TRPM3: variants seen among roughly 807,000 people sequenced by gnomAD.
The protein encoded by TRPM3 is transient receptor potential cation channel subfamily M member 3.
In TRPM3, 77 loss-of-function variants were observed where a neutral mutation model predicts 181.2. That is an observed-to-expected ratio of 0.42 (90% CI 0.35 to 0.51). The LOEUF (loss-of-function observed/expected upper bound fraction) is 0.51. Ranked by LOEUF, TRPM3 falls within the 20% of genes least tolerant of loss-of-function variation. TRPM3 has a pLI of 0.01. For synonymous variants in TRPM3, 745 were observed against 796.4 expected (o/e 0.94, Z 1.09); for missense variants, 1,759 against 2,196.7 (o/e 0.80, Z 3.98).
chr9:71,405,210 A>G (rs1449446763), intron 1 of TRPM3, among the ~76,000 whole-genome samples: 1 of 152,218 alleles, frequency 6.6e-6, no homozygotes, highest in Non-Finnish European at 1.5e-5. Flanking sequence ...TGTAACATAT[A>G]AAAACAACTT....
At chr9:70,996,254 CA>C (rs1043493616) in intron 1 of TRPM3, among the ~76,000 whole-genome samples, 3 of 152,122 alleles carry the variant, frequency 2.0e-5, no homozygotes, top group Non-Finnish European at 2.9e-5. Flanking sequence ...GATCTTCAGA[CA>C]GGGGCTCATT....
intron 9 of TRPM3, among the ~76,000 whole-genome samples, chr9:70,650,447 C>G (rs1030004976): frequency 1.3e-5 from 2 of 152,190 alleles, no homozygotes; most frequent in Non-Finnish European, 1.5e-5. Flanking sequence ...TAGGATCTTT[C>G]TGGGCATTGA....
At position 71,404,095 on chromosome 9, in the gene TRPM3, C is replaced by T. The variant is rs536817179; in HGVS notation, c.183+42558G>A. Among the ~76,000 whole-genome samples, 18 of 152,236 alleles carry T rather than the reference C, an allele frequency of 1.2e-4. No homozygotes were observed. In the South Asian group the frequency reaches 1.7e-3, roughly 14 times the overall value. On this transcript the variant is annotated intron_variant, in intron 1 of 24. Coordinates refer to the TRPM3 transcript ENST00000357533. Reference sequence around the variant, plus strand: ...CAAGCTTAGCAGGTTACAGAGGAAACGAGTCACTCAGCGCCTGGCCATCTT... The same window carrying T: ...CAAGCTTAGCAGGTTACAGAGGAAATGAGTCACTCAGCGCCTGGCCATCTT...
intron 1 of TRPM3, among the ~76,000 whole-genome samples, chr9:70,948,790 A>G (rs2096963683): frequency 6.6e-6 from 1 of 152,162 alleles, no homozygotes; most frequent in Non-Finnish European, 1.5e-5. Flanking sequence ...ATGACATTGG[A>G]CCTGGAGGCT....
At chr9:71,313,110 C>T (rs759933189) in intron 1 of TRPM3, among the ~76,000 whole-genome samples, 2 of 152,052 alleles carry the variant, frequency 1.3e-5, no homozygotes, top group South Asian at 2.1e-4. Flanking sequence ...CCTCCTCTGG[C>T]GCAGGTGGTT....
intron 9 of TRPM3, among the ~76,000 whole-genome samples, chr9:70,648,178 G>T (rs751103129): frequency 6.6e-6 from 1 of 152,156 alleles, no homozygotes; most frequent in African/African-American, 2.4e-5. Context: ...ATTTTTCATG[G>T]AATTAGAAAA....
chr9:70,911,061 C>T (rs1026937487), intron 1 of TRPM3, among the ~76,000 whole-genome samples: 3 of 152,098 alleles, frequency 2.0e-5, no homozygotes, highest in Non-Finnish European at 2.9e-5. Flanking sequence ...TTAGGAAATT[C>T]CAAGATTATA....
At chr9:71,307,122 A>G (rs942238436) in intron 1 of TRPM3, among the ~76,000 whole-genome samples, 1 of 152,168 alleles carries the variant, frequency 6.6e-6, no homozygotes, top group Non-Finnish European at 1.5e-5. Context: ...GGAATGCCTG[A>G]GTGGGATTAC....
chr9:71,265,262 G>A (rs2083309513), intron 1 of TRPM3, among the ~76,000 whole-genome samples: 1 of 152,118 alleles, frequency 6.6e-6, no homozygotes, highest in African/African-American at 2.4e-5. Flanking sequence ...GCATAATAAT[G>A]CCTAGATGTC....
At chr9:70,582,182 G>A (rs1355236631) in intron 22 of TRPM3, among the ~76,000 whole-genome samples, 1 of 1,350 alleles carries the variant, frequency 7.4e-4, no homozygotes, top group Admixed American at 7.7e-3. Flanking sequence ...CACCCTGTGC[G>A]TGTGTGTGTG....
chr9:71,355,090 C>T (rs1483907906), intron 1 of TRPM3, among the ~76,000 whole-genome samples: 2 of 152,222 alleles, frequency 1.3e-5, no homozygotes, highest in Non-Finnish European at 1.5e-5. Context: ...TAATTAGCCA[C>T]TGGTACCCAT....
chr9:70,931,442 G>T (rs898401709), intron 1 of TRPM3, among the ~76,000 whole-genome samples: 2 of 152,082 alleles, frequency 1.3e-5, no homozygotes, highest in African/African-American at 2.4e-5. Flanking sequence ...ACCTCTTGAT[G>T]GCTGAAGTTG....
intron 1 of TRPM3, among the ~76,000 whole-genome samples, chr9:70,975,724 G>T (rs1244772921): frequency 2.0e-5 from 3 of 152,126 alleles, no homozygotes; most frequent in African/African-American, 7.2e-5. Context: ...GTCCTATCTT[G>T]GCCAGCCTTC....
intron 1 of TRPM3, among the ~76,000 whole-genome samples, chr9:70,976,126 A>G (rs1162071964): frequency 6.6e-6 from 1 of 152,210 alleles, no homozygotes; most frequent in African/African-American, 2.4e-5. Context: ...AAGATTATCC[A>G]TGGTGAGATT....
intron 1 of TRPM3, among the ~76,000 whole-genome samples, chr9:71,143,833 C>A (rs2075265233): frequency 6.6e-6 from 1 of 152,042 alleles, no homozygotes. Flanking sequence ...TTTTTTCTCC[C>A]TAACCTCACC....
intron 1 of TRPM3, among the ~76,000 whole-genome samples, chr9:71,350,324 ATTC>A (rs1187715691): frequency 1.3e-5 from 2 of 152,210 alleles, no homozygotes; most frequent in African/African-American, 4.8e-5. Context: ...TTTCATAAAA[ATTC>A]TTCTTCGATG....
At chr9:71,029,971 G>A (rs748299096) in intron 1 of TRPM3, among the ~76,000 whole-genome samples, 10 of 152,160 alleles carry the variant, frequency 6.6e-5, no homozygotes, top group Non-Finnish European at 1.3e-4. Context: ...GTCCAAGTAC[G>A]TGAAATCACA....
chr9:70,895,054 T>C (rs1251998267), intron 1 of TRPM3, among the ~76,000 whole-genome samples: 1 of 152,176 alleles, frequency 6.6e-6, no homozygotes, highest in Non-Finnish European at 1.5e-5. Flanking sequence ...TAATAGTATC[T>C]ATCGTCATCA....
intron 1 of TRPM3, among the ~76,000 whole-genome samples, chr9:71,157,929 C>T (rs574576866): frequency 4.6e-5 from 7 of 152,174 alleles, no homozygotes; most frequent in African/African-American, 1.4e-4. Context: ...ATTAAGAGGA[C>T]AGATTGTCAA....
Sources: gnomAD v4.1 joint callset for allele counts (sites outside exome capture counted in the v4.1 genomes callset) on GRCh38, gnomAD v4.1.1 for gene constraint, MANE v1.5 for transcripts, NCBI Gene and HGNC (gene_info 2026-07-23, HGNC 2026-07-21) for gene names.